The following RALYL variants were observed in gnomAD, a reference collection of about 807,000 sequenced individuals.
RALYL encodes RALY RNA binding protein like.
A neutral mutation model predicts 35.1 loss-of-function variants in RALYL; 29 were observed. The ratio of observed to expected loss-of-function variants is 0.83; its 90% CI spans 0.61 to 1.13. RALYL has a LOEUF of 1.13. RALYL is among the 50% of genes most tolerant of loss of function. RALYL has a pLI of 0.00. For missense variants in RALYL, 359 were observed against 360.4 expected (o/e 1.00, Z 0.03); for synonymous variants, 120 against 127.6 (o/e 0.94, Z 0.40).
intron 2 of RALYL, among the ~76,000 whole-genome samples, chr8:84,707,585 T>C (rs1426294927): frequency 1.3e-5 from 2 of 152,126 alleles, no homozygotes; most frequent in African/African-American, 4.8e-5. Flanking sequence ...TCAGAAGATG[T>C]ATAATTATAC....
chr8:84,233,370 C>T (rs1825798889), intron 1 of RALYL, among the ~76,000 whole-genome samples: 1 of 152,124 alleles, frequency 6.6e-6, no homozygotes, highest in Non-Finnish European at 1.5e-5. Flanking sequence ...TTGGTGGAGA[C>T]ATTTTATTAC....
At chr8:84,312,459 G>A (rs1269814624) in intron 1 of RALYL, among the ~76,000 whole-genome samples, 1 of 152,166 alleles carries the variant, frequency 6.6e-6, no homozygotes, top group Non-Finnish European at 1.5e-5. Context: ...TCTGGGACAA[G>A]GCAAGTCCCT....
At chr8:84,297,360 T>C (rs1354196124) in intron 1 of RALYL, among the ~76,000 whole-genome samples, 2 of 152,204 alleles carry the variant, frequency 1.3e-5, no homozygotes, top group East Asian at 3.9e-4. Context: ...TCCACCTCCA[T>C]CCATGTTGCT....
At chr8:84,220,561 CAT>C (rs2131299644) in intron 1 of RALYL, among the ~76,000 whole-genome samples, 1 of 152,072 alleles carries the variant, frequency 6.6e-6, no homozygotes, top group South Asian at 2.1e-4. Flanking sequence ...CAAGAAAAAA[CAT>C]AACCAATTTC....
chr8:84,692,838 G>T (rs946269702), intron 2 of RALYL, among the ~76,000 whole-genome samples: 1 of 151,946 alleles, frequency 6.6e-6, no homozygotes, highest in Admixed American at 6.6e-5. Flanking sequence ...TTCTACTGGA[G>T]AGGAAGGAGA....
chr8:84,233,374 T>G (rs1187101658), intron 1 of RALYL, among the ~76,000 whole-genome samples: 1 of 152,188 alleles, frequency 6.6e-6, no homozygotes, highest in Non-Finnish European at 1.5e-5. Context: ...TGGAGACATT[T>G]TATTACTATG....
chr8:84,334,566 CA>C (rs1847416664), intron 1 of RALYL, among the ~76,000 whole-genome samples: 1 of 151,326 alleles, frequency 6.6e-6, no homozygotes, highest in Non-Finnish European at 1.5e-5. Flanking sequence ...TGTAACTTAA[CA>C]TTTAATATTA....
intron 1 of RALYL, among the ~76,000 whole-genome samples, chr8:84,407,022 A>T (rs2403006): frequency 2.8e-5 from 4 of 142,222 alleles, no homozygotes; most frequent in African/African-American, 1.1e-4. Context: ...CTCTCTCTAT[A>T]TATATATATA....
intron 2 of RALYL, among the ~76,000 whole-genome samples, chr8:84,770,079 C>A (rs1340884580): frequency 1.3e-5 from 2 of 151,902 alleles, no homozygotes; most frequent in Non-Finnish European, 2.9e-5. Flanking sequence ...TAGGTTTTGG[C>A]GAACAGGTGG....
rs770600597 is a variant in RALYL, at chr8:84,745,268, G to A, written c.257-29311G>A. ...GCAAATATCAAGTCTTCTTCAAGAC[G>A]AACTGCCACGTTTATGATAGTATTT... On this transcript the variant is annotated intron_variant, in intron 2 of 8. Transcript: ENST00000521268. Among the ~76,000 whole-genome samples, 17 of 151,912 alleles carry A rather than the reference G, an allele frequency of 1.1e-4. 1 individual carries two copies. Among genetic ancestry groups the A allele is most frequent in the South Asian group, 1.0e-3 (5 of 4,802 alleles).
chr8:84,689,978 C>T (rs1023062067), intron 2 of RALYL, among the ~76,000 whole-genome samples: 1 of 151,984 alleles, frequency 6.6e-6, no homozygotes. Flanking sequence ...TATTGAGGTT[C>T]CTCAAAAAAT....
intron 1 of RALYL, among the ~76,000 whole-genome samples, chr8:84,258,732 T>C (rs567165298): frequency 6.6e-6 from 1 of 152,266 alleles, no homozygotes; most frequent in South Asian, 2.1e-4. Context: ...CAGGGTGATA[T>C]TGGGTGCATA....
chr8:84,720,749 G>A (rs1265785872), intron 2 of RALYL, among the ~76,000 whole-genome samples: 1 of 151,700 alleles, frequency 6.6e-6, no homozygotes, highest in Non-Finnish European at 1.5e-5. Context: ...ATTTAATAAG[G>A]GGTTCATATC....
chr8:84,407,853 C>A (rs533258390), intron 1 of RALYL, among the ~76,000 whole-genome samples: 1 of 152,108 alleles, frequency 6.6e-6, no homozygotes, highest in Admixed American at 6.5e-5. Context: ...ATTTTCATAG[C>A]AACCCTATTA....
intron 6 of RALYL, among the ~76,000 whole-genome samples, chr8:84,868,816 G>A (rs1306629346): frequency 6.6e-6 from 1 of 151,938 alleles, no homozygotes; most frequent in Admixed American, 6.6e-5. Context: ...TCATCTATGG[G>A]GTGGGTGATA....
intron 3 of RALYL, among the ~76,000 whole-genome samples, chr8:84,801,452 C>CTAAG (rs1419682059): frequency 9.9e-5 from 15 of 152,094 alleles, no homozygotes; most frequent in African/African-American, 2.9e-4. Flanking sequence ...TAATGAGACT[C>CTAAG]TAAGTTCAGT....
At chr8:84,571,495 A>C (rs916083974) in intron 2 of RALYL, among the ~76,000 whole-genome samples, 3 of 150,942 alleles carry the variant, frequency 2.0e-5, no homozygotes, top group Non-Finnish European at 3.0e-5. Flanking sequence ...ACTTGTTTGA[A>C]TCTCCTTTTT....
intron 1 of RALYL, among the ~76,000 whole-genome samples, chr8:84,382,094 C>A (rs564392276): frequency 4.0e-5 from 6 of 151,266 alleles, no homozygotes; most frequent in Admixed American, 2.0e-4. Flanking sequence ...CAGATGTTTT[C>A]TTTCTCCTTT....
At chr8:84,809,399 G>A (rs1825398571) in intron 4 of RALYL, among the ~76,000 whole-genome samples, 1 of 152,036 alleles carries the variant, frequency 6.6e-6, no homozygotes, top group Non-Finnish European at 1.5e-5. Flanking sequence ...TTTTGTTAAG[G>A]ATTTTAGCAT....
Sources: allele counts gnomAD v4.1 joint callset (sites outside exome capture counted in the v4.1 genomes callset), GRCh38; gene constraint gnomAD v4.1.1; transcripts MANE v1.5; gene names NCBI Gene and HGNC (gene_info 2026-07-23, HGNC 2026-07-21).